COG7: variants seen among roughly 807,000 people sequenced by gnomAD.
The protein encoded by COG7 is component of oligomeric golgi complex 7.
Under a neutral mutation model 91.5 loss-of-function variants are expected in COG7, and 49 were observed. The ratio of observed to expected loss-of-function variants is 0.54; its 90% CI spans 0.43 to 0.68. The LOEUF is 0.68. Ranked by LOEUF, COG7 falls within the 30% of genes least tolerant of loss-of-function variation. COG7 has a pLI of 0.00. For missense variants in COG7, 895 were observed against 961.3 expected, an observed-to-expected ratio of 0.93 and a Z score of 0.91; for synonymous variants, 365 against 388.7, an observed-to-expected ratio of 0.94 and a Z score of 0.72.
Position 23,421,162 on chromosome 16 carries a change from A to T in COG7, c.1010-2335T>A, listed in dbSNP as rs1963749982. 2.0e-5 allele frequency among the ~76,000 whole-genome samples: 3 copies of T among 151,770 alleles called. 1 individual carries two copies. The South Asian group carries it at 6.2e-4, about 31-fold the overall frequency. ...ACCTAAATTTTTAAAAATTTACTTT[A>T]TATTGCATAATCTTTTATATTTTGA... On this transcript the variant is annotated intron_variant, in intron 7 of 16. Transcript: ENST00000307149.
chr16:23,423,320 T>C (rs1316571596), intron 7 of COG7, among the ~76,000 whole-genome samples: 1 of 152,124 alleles, frequency 6.6e-6, no homozygotes, highest in Non-Finnish European at 1.5e-5. Context: ...TGAGCCAAGA[T>C]CACACCGCTG....
intron 7 of COG7, among the ~76,000 whole-genome samples, chr16:23,424,099 G>C (rs1352123919): frequency 1.3e-5 from 2 of 152,094 alleles, no homozygotes; most frequent in Non-Finnish European, 2.9e-5. Context: ...TCAGGAGTTC[G>C]AGACCAGCCT....
intron 14 of COG7, chr16:23,394,841 T>A (rs563504359): frequency 6.6e-6 from 1 of 152,074 alleles, no homozygotes; most frequent in African/African-American, 2.4e-5. Context: ...GTTTTGCTCT[T>A]GTTGCCCAGG....
intron 4 of COG7, among the ~76,000 whole-genome samples, chr16:23,437,753 C>A (rs1161156080): frequency 6.6e-6 from 1 of 152,190 alleles, no homozygotes; most frequent in Admixed American, 6.5e-5. Flanking sequence ...AAAACTCCAC[C>A]ACGGTACCTA....
At chr16:23,405,517 CTTTTT>C (rs869133051) in intron 12 of COG7, among the ~76,000 whole-genome samples, 1 of 139,166 alleles carries the variant, frequency 7.2e-6, no homozygotes, top group Non-Finnish European at 1.6e-5. Context: ...CTCTTTTTTC[CTTTTT>C]TTTTTTTTTT....
intron 9 of COG7, 124 bp downstream of exon 9, chr16:23,416,843 C>T: frequency 9.2e-7 from 1 of 1,087,780 alleles, no homozygotes; most frequent in Non-Finnish European, 1.4e-6. Flanking sequence ...TTAACAACAT[C>T]CTCTTGGGTT....
At chr16:23,414,615 C>G (rs1285088877) in intron 9 of COG7, 3 of 152,428 alleles carry the variant, frequency 2.0e-5, no homozygotes, top group Non-Finnish European at 4.4e-5. Flanking sequence ...GGTGGCAGAG[C>G]AAGACCCTGT....
rs1014969961 is a variant in COG7, at chr16:23,391,684, C to T, written c.2146+696G>A. On this transcript the variant is annotated intron_variant, in intron 16 of 16. Transcript: ENST00000307149. Reference sequence around the variant, plus strand: ...GCTCTCCTGACCACCCCGAGAGGTGCGTTAGGCTAAAGAGCAGACAAGGTA... The same window carrying T: ...GCTCTCCTGACCACCCCGAGAGGTGTGTTAGGCTAAAGAGCAGACAAGGTA... Among the ~76,000 whole-genome samples, 14 of 152,280 alleles carry T rather than the reference C, an allele frequency of 9.2e-5. No individual in the cohort carries two copies. In the East Asian group the frequency reaches 9.7e-4, roughly 11 times the overall value.
chr16:23,444,592 C>G (rs1023617115), intron 3 of COG7, among the ~76,000 whole-genome samples: 9 of 149,996 alleles, frequency 6.0e-5, no homozygotes, highest in African/African-American at 2.2e-4. Context: ...TAGCCTTCAA[C>G]TCCTGGGCTC....
At chr16:23,399,616 A>C (rs1963341954) in intron 13 of COG7, among the ~76,000 whole-genome samples, 3 of 140,644 alleles carry the variant, frequency 2.1e-5, no homozygotes, top group Non-Finnish European at 3.1e-5. Flanking sequence ...GCTGCCTCCC[A>C]CTTCTAGAGC....
At chr16:23,406,045 T>A in intron 12 of COG7, 31 bp downstream of exon 12, 3 of 1,602,930 alleles carry the variant, frequency 1.9e-6, no homozygotes. Flanking sequence ...AGCCTTTCAT[T>A]TGCAAGAATG....
In COG7 at chr16:23,389,075, T is replaced by G. The variant is rs1963144300; in HGVS notation, c.2158A>C (p.Asn720His). 6.2e-7 allele frequency: 1 copy of G among 1,613,946 alleles called. No homozygotes were observed. The change falls in exon 17 of 17, where the codon AAC becomes CAC. Residue 720 changes from asparagine (N) to histidine (H), a missense_variant. Physicochemically the swap from Asn to His is moderately conservative, Grantham distance 68. Transcript: ENST00000307149. ...QLATDIDYLI[N>H]VMDALGLQPS... Reference sequence around the variant, plus strand: ...TGCAGGCCCAGGGCATCCATCACGTTGATCAGATAGTCTGTGGGGGCGGAG... The same window carrying G: ...TGCAGGCCCAGGGCATCCATCACGTGGATCAGATAGTCTGTGGGGGCGGAG...
intron 1 of COG7, among the ~76,000 whole-genome samples, chr16:23,448,531 G>C (rs765262441): frequency 2.0e-4 from 31 of 152,128 alleles, no homozygotes; most frequent in African/African-American, 7.0e-4. Flanking sequence ...CTGCTGGTCT[G>C]GAACTCCTGG....
intron 14 of COG7, among the ~76,000 whole-genome samples, chr16:23,395,507 T>A (rs569974059): frequency 5.7e-4 from 87 of 152,356 alleles, no homozygotes; most frequent in Non-Finnish European, 1.0e-3. Context: ...TTCTCCTATT[T>A]CATCTCTTTA....
Position 23,388,810 on chromosome 16 carries a change from T to G in COG7, c.*110A>C. On this transcript the variant is annotated 3_prime_UTR_variant, in exon 17 of 17. Transcript: ENST00000307149. ...CCACCGTGACCAGCTGAACCAAGTC[T>G]TTTTAAAGTAACTTCTGCCCAATCT... The G allele has an allele frequency of 6.4e-7, 1 of 1,573,382 alleles. No individual in the cohort carries two copies. Among genetic ancestry groups the G allele is most frequent in the Non-Finnish European group, 8.6e-7 (1 of 1,161,358 alleles).
rs143219517 is a variant in COG7 at position 23,423,754 on chromosome 16, G to T, written c.1009+995C>A. On this transcript the variant is annotated intron_variant, in intron 7 of 16. Coordinates refer to ENST00000307149, the MANE Select transcript of COG7 (RefSeq NM_153603.4). ...CACAGCCGCCGAACAGCAGAACAAGGCCTTCCTGAAGCAATTTCCTGATTT... is the reference window on the plus strand; with the variant it reads ...CACAGCCGCCGAACAGCAGAACAAGTCCTTCCTGAAGCAATTTCCTGATTT... 5.3e-5 allele frequency among the ~76,000 whole-genome samples: 8 copies of T among 152,328 alleles called. 1 individual carries two copies. In the East Asian group the frequency reaches 1.5e-3, roughly 29 times the overall value.
chr16:23,432,496 T>C (rs897656041), intron 6 of COG7, among the ~76,000 whole-genome samples: 6 of 149,132 alleles, frequency 4.0e-5, no homozygotes, highest in African/African-American at 1.5e-4. Context: ...ACACAAGGGT[T>C]TGGAGAAAAA....
intron 5 of COG7, 131 bp from the exon 6 acceptor site, chr16:23,433,798 A>G: frequency 1.1e-6 from 1 of 918,806 alleles, no homozygotes; most frequent in Non-Finnish European, 1.7e-6. Context: ...AGTGAGGTCC[A>G]TTCACTTCAA....
At chr16:23,441,758 C>T (rs1964104931) in intron 4 of COG7, 1 of 141,112 alleles carries the variant, frequency 7.1e-6, no homozygotes, top group African/African-American at 2.9e-5. Context: ...GGAAAAGAAA[C>T]AAGCTACATA....
Sources: gnomAD v4.1 joint callset for allele counts (sites outside exome capture counted in the v4.1 genomes callset) on GRCh38, gnomAD v4.1.1 for gene constraint, MANE v1.5 for transcripts, NCBI Gene and HGNC (gene_info 2026-07-23, HGNC 2026-07-21) for gene names.